MSRB2: variants seen among roughly 807,000 people sequenced by gnomAD.
MSRB2 encodes methionine sulfoxide reductase B2, also known as methionine-R-sulfoxide reductase B2, mitochondrial.
In MSRB2, 17 loss-of-function variants were observed where a neutral mutation model predicts 19.0. That is an observed-to-expected ratio of 0.89 (90% CI 0.61 to 1.34). The LOEUF is 1.34. Ranked by LOEUF, MSRB2 falls within the 40% of genes most tolerant of loss-of-function variation. The pLI is 0.00. For synonymous variants in MSRB2, 107 were observed against 99.7 expected (o/e 1.07, Z -0.44); for missense variants, 208 against 237.6 (o/e 0.88, Z 0.82).
At chr10:23,105,493 G>C (rs778002315) in intron 2 of MSRB2, among the ~76,000 whole-genome samples, 1 of 151,946 alleles carries the variant, frequency 6.6e-6, no homozygotes, top group Non-Finnish European at 1.5e-5. Context: ...TCCAGGCTCT[G>C]TTATCCATTT....
chr10:23,119,457 G>T lies in MSRB2; in HGVS notation c.444+6G>T. On this transcript the variant is annotated splice_donor_region_variant and intron_variant, in intron 4 of 4. Transcript: ENST00000376510. The stretch of plus-strand genomic sequence containing the variant: ...CAGAGGTTGTCTGCAAGCAGGTGAG[G>T]TTTCTCATTTTGTTTTACTTTCCCT... The T allele has an allele frequency of 6.2e-7, 1 of 1,610,804 alleles. No homozygotes were observed.
rs201449480 is a variant in MSRB2 at position 23,107,958 on chromosome 10, ATT to A, written c.220-2269_220-2268del. 1.5e-3 allele frequency among the ~76,000 whole-genome samples: 225 copies of A among 146,434 alleles called. 1 individual carries two copies. The highest frequency in any genetic ancestry group is 5.3e-3 in the African/African-American group (212 of 39,826). On this transcript the variant is annotated intron_variant, in intron 2 of 4. Transcript: ENST00000376510. ...GTTGGCTGAGTATTCCTTTTCATTGATTTTTTTTTTTTTTTTCTTGAGATGGG... is the reference window on the plus strand; with the variant it reads ...GTTGGCTGAGTATTCCTTTTCATTGATTTTTTTTTTTTTTCTTGAGATGGG...
At chr10:23,116,725 G>C (rs1564431496) in intron 3 of MSRB2, among the ~76,000 whole-genome samples, 1 of 152,184 alleles carries the variant, frequency 6.6e-6, no homozygotes, top group Non-Finnish European at 1.5e-5. Flanking sequence ...TGGTAGATGA[G>C]CTGCAATTGC....
At chr10:23,100,096 C>T (rs1163600079) in intron 1 of MSRB2, among the ~76,000 whole-genome samples, 5 of 152,092 alleles carry the variant, frequency 3.3e-5, no homozygotes, top group Non-Finnish European at 7.4e-5. Context: ...AACCTTTGTA[C>T]CTGAAGTTGG....
At chr10:23,114,349 CAAAA>C (rs764900482) in intron 3 of MSRB2, among the ~76,000 whole-genome samples, 1 of 49,314 alleles carries the variant, frequency 2.0e-5, no homozygotes, top group Non-Finnish European at 4.5e-5. Flanking sequence ...GACTCCATCT[CAAAA>C]AAAAAAAAAA....
At chr10:23,109,909 G>A (rs1315321626) in intron 2 of MSRB2, among the ~76,000 whole-genome samples, 3 of 152,124 alleles carry the variant, frequency 2.0e-5, no homozygotes, top group Non-Finnish European at 4.4e-5. Context: ...CTTTTAAAAG[G>A]GAGACCGAAA....
In MSRB2 at chr10:23,121,505, A is replaced by C. The variant is rs890267207; in HGVS notation, c.*643A>C. 1.3e-5 allele frequency: 2 copies of C among 152,250 alleles called. No individual in the cohort carries two copies. The highest frequency in any genetic ancestry group is 2.4e-5 in the African/African-American group (1 of 41,444). 9.4% of individuals were successfully genotyped at this position (152,250 alleles called of 1,614,324 possible). A position where few individuals can be genotyped will look rare whatever the true frequency, so the allele number is the denominator to read the frequency against. On this transcript the variant is annotated 3_prime_UTR_variant, in exon 5 of 5. Coordinates refer to ENST00000376510, the MANE Select transcript of MSRB2 (RefSeq NM_012228.4). ...TAAGATTTGGAGAGGGAAAACATCC[A>C]AACCATATCACCCAACTCCCACTTG...
In MSRB2 at chr10:23,110,333, T is replaced by C. The variant is rs201608502; in HGVS notation, c.296+15T>C. The C allele has an allele frequency of 3.4e-4, 547 of 1,609,308 alleles. 2 individuals carry two copies. In the African/African-American group the frequency reaches 6.5e-3, roughly 19 times the overall value. On this transcript the variant is annotated intron_variant, in intron 3 of 4. Coordinates refer to ENST00000376510, the MANE Select transcript of MSRB2 (RefSeq NM_012228.4). The stretch of plus-strand genomic sequence containing the variant: ...CCACTCTTCAGGTAAGATAAAGAAT[T>C]GAGAGCCACGGAAGGAGACCAAACC...
intron 3 of MSRB2, among the ~76,000 whole-genome samples, chr10:23,116,032 C>T (rs1182835446): frequency 3.3e-5 from 5 of 152,098 alleles, no homozygotes; most frequent in East Asian, 3.9e-4. Flanking sequence ...GCAAAGAATC[C>T]GACCTGAATA....
chr10:23,120,213 G>T (rs1419759951), intron 4 of MSRB2, among the ~76,000 whole-genome samples: 1 of 152,190 alleles, frequency 6.6e-6, no homozygotes, highest in Non-Finnish European at 1.5e-5. Flanking sequence ...TGCGGGTGAC[G>T]TCAGCACCTC....
chr10:23,114,129 CA>C (rs1240694237), intron 3 of MSRB2, among the ~76,000 whole-genome samples: 1 of 152,086 alleles, frequency 6.6e-6, no homozygotes, highest in Admixed American at 6.5e-5. Flanking sequence ...GCGGGTGGAT[CA>C]CTGCAGGTCA....
chr10:23,110,101 T>C (rs1378317349), intron 2 of MSRB2, 141 bp from the exon 3 acceptor site: 1 of 613,594 alleles, frequency 1.6e-6, no homozygotes, highest in East Asian at 2.8e-5. Flanking sequence ...ATTATAATTT[T>C]CTCTCTGGCG....
chr10:23,100,294 A>T (rs1447424860), intron 1 of MSRB2, among the ~76,000 whole-genome samples: 1 of 152,194 alleles, frequency 6.6e-6, no homozygotes, highest in African/African-American at 2.4e-5. Context: ...CACTCTTTCT[A>T]GCAAAGCCTG....
chr10:23,120,197 C>G lies in MSRB2; in HGVS notation c.445-561C>G, dbSNP rs183034715. On this transcript the variant is annotated intron_variant, in intron 4 of 4. Coordinates refer to ENST00000376510, the MANE Select transcript of MSRB2 (RefSeq NM_012228.4). ...TGCAGCGTGTCACTGGCCTGCAGAG[C>G]AATGCTGCGGGTGACGTCAGCACCT... is the stretch of plus-strand genomic sequence containing the variant. Among the ~76,000 whole-genome samples the G allele has an allele frequency of 1.7e-3, 252 of 152,330 alleles. 3 individuals are homozygous for G. The highest frequency in any genetic ancestry group is 1.5e-3 in the Non-Finnish European group (103 of 68,028).
At chr10:23,106,830 T>C (rs912914270) in intron 2 of MSRB2, among the ~76,000 whole-genome samples, 2 of 152,192 alleles carry the variant, frequency 1.3e-5, no homozygotes, top group Admixed American at 1.3e-4. Context: ...ATTGGCCCCG[T>C]CTGCACCTTT....
chr10:23,108,737 A>G (rs1285278043), intron 2 of MSRB2, among the ~76,000 whole-genome samples: 1 of 151,938 alleles, frequency 6.6e-6, no homozygotes, highest in Non-Finnish European at 1.5e-5. Context: ...CGGCCCCCCA[A>G]AGTGCTGGGA....
chr10:23,098,711 G>A (rs192843829), intron 1 of MSRB2, among the ~76,000 whole-genome samples: 26 of 152,286 alleles, frequency 1.7e-4, no homozygotes, highest in South Asian at 1.2e-3. Context: ...AGACCTTGTC[G>A]TGTATCTAAT....
In MSRB2 at chr10:23,095,597, G is replaced by C. The variant is rs1359939488; in HGVS notation, c.-12G>C. 2 of 1,477,690 alleles carry C rather than the reference G, an allele frequency of 1.4e-6. No homozygotes were observed. The highest frequency in any genetic ancestry group is 1.8e-6 in the Non-Finnish European group (2 of 1,119,828). 91.5% of individuals were successfully genotyped at this position (1,477,690 alleles called of 1,614,324 possible). A position where few individuals can be genotyped will look rare whatever the true frequency, so the allele number is the denominator to read the frequency against. On this transcript the variant is annotated 5_prime_UTR_variant, in exon 1 of 5. Coordinates refer to ENST00000376510, the MANE Select transcript of MSRB2 (RefSeq NM_012228.4). ...AGAGGGCAGAGGGCGGAGCGGCGCCGGAGCGGGCGTCATGGCGCGGCTCCT... is the reference window on the plus strand; with the variant it reads ...AGAGGGCAGAGGGCGGAGCGGCGCCCGAGCGGGCGTCATGGCGCGGCTCCT...
intron 3 of MSRB2, chr10:23,118,966 C>T (rs1036734038): frequency 4.3e-6 from 2 of 462,134 alleles, no homozygotes; most frequent in Non-Finnish European, 8.7e-6. Context: ...GATTTCTCCC[C>T]TTTTGACATT....
Sources: gnomAD v4.1 joint callset for allele counts (sites outside exome capture counted in the v4.1 genomes callset) on GRCh38, gnomAD v4.1.1 for gene constraint, MANE v1.5 for transcripts, NCBI Gene and HGNC (gene_info 2026-07-23, HGNC 2026-07-21) for gene names.